The following GPR158 variants were observed in gnomAD, a reference collection of about 807,000 sequenced individuals.
GPR158 encodes metabotropic glycine receptor.
GPR158 carries 30 observed loss-of-function variants against 78.2 expected under a neutral mutation model. The ratio of observed to expected loss-of-function variants is 0.38; its 90% CI spans 0.29 to 0.52. The LOEUF (loss-of-function observed/expected upper bound fraction) is 0.52, where lower values mean the gene tolerates loss of function less well. Among genes scored for constraint, GPR158 ranks in the 20% least tolerant of loss-of-function variants. The pLI, the probability that GPR158 is intolerant of heterozygous loss-of-function variation, is 0.83. For missense variants in GPR158, 1,463 were observed against 1,523.5 expected (o/e 0.96, Z 0.66); for synonymous variants, 581 against 591.1 (o/e 0.98, Z 0.25).
intron 2 of GPR158, among the ~76,000 whole-genome samples, chr10:25,348,252 G>A (rs1317741970): frequency 6.6e-6 from 1 of 151,790 alleles, no homozygotes; most frequent in African/African-American, 2.4e-5. Context: ...ATTTTGGGTA[G>A]GAGGCCTTTA....
At chr10:25,562,621 T>C (rs1485749963) in intron 6 of GPR158, among the ~76,000 whole-genome samples, 1 of 152,222 alleles carries the variant, frequency 6.6e-6, no homozygotes, top group Non-Finnish European at 1.5e-5. Context: ...TTCAGTTCAC[T>C]GTGGTCAGAG....
Position 25,599,011 on chromosome 10 carries a change from A to G in GPR158, c.3385A>G (p.Thr1129Ala). 1 of 1,614,188 alleles carries G rather than the reference A, an allele frequency of 6.2e-7. No homozygotes were observed. The highest frequency in any genetic ancestry group is 8.5e-7 in the Non-Finnish European group (1 of 1,180,038). ...ELPPKAVASK[T>A]ENENLNQIGH... Reference sequence around the variant, plus strand: ...GCCCCCCAAAGCTGTAGCATCAAAAACAGAGAATGAAAATCTCAACCAAAT... The same window carrying G: ...GCCCCCCAAAGCTGTAGCATCAAAAGCAGAGAATGAAAATCTCAACCAAAT... The change falls in exon 11 of 11, where the codon ACA (threonine) becomes GCA (alanine). Residue 1129 changes from threonine to alanine, a missense_variant. Coordinates refer to ENST00000376351, the MANE Select transcript of GPR158 (RefSeq NM_020752.3).
chr10:25,473,937 A>G (rs1038104437), intron 5 of GPR158, among the ~76,000 whole-genome samples: 3 of 152,104 alleles, frequency 2.0e-5, no homozygotes, highest in Non-Finnish European at 4.4e-5. Context: ...ATGTTACCTT[A>G]CATGGAAAAA....
chr10:25,555,709 T>C (rs1396798203), intron 6 of GPR158, among the ~76,000 whole-genome samples: 3 of 152,174 alleles, frequency 2.0e-5, no homozygotes, highest in Non-Finnish European at 4.4e-5. Context: ...TTCTGAAGAC[T>C]CTTGGGCTTT....
At chr10:25,521,337 C>T (rs11014590) in intron 5 of GPR158, among the ~76,000 whole-genome samples, 49,338 of 151,880 alleles carry the variant, frequency 0.32, 8,405 homozygotes, top group East Asian at 0.44. Flanking sequence ...GCGTCGCTCA[C>T]GCTGGGAGCT....
chr10:25,385,339 A>G (rs1834208250), intron 2 of GPR158, among the ~76,000 whole-genome samples: 2 of 150,058 alleles, frequency 1.3e-5, no homozygotes, highest in South Asian at 2.1e-4. Flanking sequence ...TTATTTTTAT[A>G]TATCACAGTT....
At chr10:25,358,469 T>G (rs1350141678) in intron 2 of GPR158, among the ~76,000 whole-genome samples, 1 of 152,096 alleles carries the variant, frequency 6.6e-6, no homozygotes, top group Non-Finnish European at 1.5e-5. Context: ...GATTGAATCA[T>G]GGGGGCAGGT....
chr10:25,236,083 G>A (rs1166337245), intron 2 of GPR158, among the ~76,000 whole-genome samples: 2 of 152,018 alleles, frequency 1.3e-5, no homozygotes, highest in South Asian at 2.1e-4. Flanking sequence ...TGTTTGTATC[G>A]ATCTTCTATG....
At chr10:25,396,667 C>T (rs1834366542) in intron 3 of GPR158, among the ~76,000 whole-genome samples, 1 of 151,956 alleles carries the variant, frequency 6.6e-6, no homozygotes, top group African/African-American at 2.4e-5. Context: ...AGATCATCTT[C>T]AAAAAAATAC....
rs1490935617 is a variant in GPR158 at position 25,565,637 on chromosome 10, TACTG to T, written c.1515-7007_1515-7004del. Among the ~76,000 whole-genome samples the T allele has an allele frequency of 2.6e-5, 4 of 152,334 alleles. No homozygotes were observed. In the East Asian group the frequency reaches 7.7e-4, roughly 29 times the overall value. On this transcript the variant is annotated intron_variant, in intron 6 of 10. Transcript: ENST00000376351. ...GATAGGAGTTTTGAGATGATTTTGC[TACTG>T]ACTGTTTTGCTTTAGATAAATGACT...
At chr10:25,213,682 A>G (rs560312189) in intron 1 of GPR158, among the ~76,000 whole-genome samples, 1 of 152,216 alleles carries the variant, frequency 6.6e-6, no homozygotes, top group South Asian at 2.1e-4. Context: ...AGAACTGTTC[A>G]TTAAAAGTTT....
At chr10:25,448,995 A>G (rs537940691) in intron 4 of GPR158, among the ~76,000 whole-genome samples, 1 of 152,336 alleles carries the variant, frequency 6.6e-6, no homozygotes, top group African/African-American at 2.4e-5. Flanking sequence ...AATATTTTAT[A>G]GTATGTAAGT....
chr10:25,313,254 G>C (rs1463736544), intron 2 of GPR158, among the ~76,000 whole-genome samples: 5 of 118,522 alleles, frequency 4.2e-5, no homozygotes, highest in Non-Finnish European at 8.4e-5. Flanking sequence ...GTTGTGGGGT[G>C]GGGGGAGGGG....
At chr10:25,265,464 T>G (rs1401478389) in intron 2 of GPR158, among the ~76,000 whole-genome samples, 1 of 152,086 alleles carries the variant, frequency 6.6e-6, no homozygotes, top group Non-Finnish European at 1.5e-5. Context: ...GAAAGGAGAC[T>G]TTTTTTCTTG....
chr10:25,369,018 T>G (rs1253128774), intron 2 of GPR158, among the ~76,000 whole-genome samples: 1 of 151,052 alleles, frequency 6.6e-6, no homozygotes, highest in Non-Finnish European at 1.5e-5. Context: ...GTACATTGAT[T>G]TTGTATCCTG....
At chr10:25,337,505 G>A (rs1266001045) in intron 2 of GPR158, among the ~76,000 whole-genome samples, 1 of 151,970 alleles carries the variant, frequency 6.6e-6, no homozygotes, top group African/African-American at 2.4e-5. Context: ...TTTCTCTATA[G>A]TATTGTTTTG....
intron 5 of GPR158, among the ~76,000 whole-genome samples, chr10:25,510,534 TTTTA>T (rs375045417): frequency 1.1e-4 from 16 of 152,122 alleles, no homozygotes; most frequent in Middle Eastern, 3.4e-3. Flanking sequence ...AAGGACTTTG[TTTTA>T]TTTATTTATT....
In GPR158 at chr10:25,342,946, T is replaced by C. The variant is rs540286197; in HGVS notation, c.1009-52965T>C. ...CTGGGGATAAGTGGGGCTCCAGCTT[T>C]TTTTCACCTAAGGAAAGAGTTGCAT... On this transcript the variant is annotated intron_variant, in intron 2 of 10. Transcript: ENST00000376351. Among the ~76,000 whole-genome samples, 53 of 151,964 alleles carry C rather than the reference T, an allele frequency of 3.5e-4. No homozygotes were observed. In the South Asian group the frequency reaches 0.011, roughly 31 times the overall value.
At chr10:25,348,038 G>C (rs1052944916) in intron 2 of GPR158, among the ~76,000 whole-genome samples, 1 of 151,902 alleles carries the variant, frequency 6.6e-6, no homozygotes, top group African/African-American at 2.4e-5. Flanking sequence ...CATGTGCACG[G>C]CCTCTTCCTC....
Sources: allele counts gnomAD v4.1 joint callset (sites outside exome capture counted in the v4.1 genomes callset), GRCh38; gene constraint gnomAD v4.1.1; transcripts MANE v1.5; gene names NCBI Gene and HGNC (gene_info 2026-07-23, HGNC 2026-07-21).